The following CPLANE1 variants were observed in gnomAD, a reference collection of about 807,000 sequenced individuals.
CPLANE1 encodes ciliogenesis and planar polarity effector complex subunit 1.
A neutral mutation model predicts 362.5 loss-of-function variants in CPLANE1; 263 were observed. The ratio of observed to expected loss-of-function variants is 0.73; its 90% CI spans 0.66 to 0.80. The LOEUF is 0.80. Ranked by LOEUF, CPLANE1 falls within the 30% of genes least tolerant of loss-of-function variation. The pLI is 0.00. For missense variants in CPLANE1, 3,461 were observed against 3,793.4 expected, an observed-to-expected ratio of 0.91 and a Z score of 2.30; for synonymous variants, 1,212 against 1,302.6, an observed-to-expected ratio of 0.93 and a Z score of 1.50.
Position 37,213,579 on chromosome 5 carries a change from G to A in CPLANE1, c.2900C>T (p.Pro967Leu). Residue 967 changes from proline (P) to leucine (L), a missense_variant, in exon 16 of 53, where the codon CCC becomes CTC. Pro to Leu is a moderately conservative substitution (Grantham distance 98, BLOSUM62 -3). Coordinates refer to ENST00000651892, the MANE Select transcript of CPLANE1 (RefSeq NM_001384732.1). ...ATTACCTGTTTTAATATGAAGTGGG[G>A]GAAGAACATTCACATGATGAGGGGG... is the stretch of plus-strand genomic sequence containing the variant. ...ILPPHHVNVLPPLHIKTEQSF... is the reference protein window; with the variant it reads ...ILPPHHVNVLLPLHIKTEQSF... 4 of 1,543,382 alleles carry A rather than the reference G, an allele frequency of 2.6e-6. No homozygotes were observed. The highest frequency in any genetic ancestry group is 3.5e-6 in the Non-Finnish European group (4 of 1,142,126).
chr5:37,167,450 A>G (rs1479066759), intron 34 of CPLANE1, among the ~76,000 whole-genome samples: 1 of 152,216 alleles, frequency 6.6e-6, no homozygotes, highest in Non-Finnish European at 1.5e-5. Context: ...TTAAGCTAGA[A>G]GTTCTCAACT....
intron 34 of CPLANE1, 104 bp from the exon 35 acceptor site, chr5:37,167,317 G>T: frequency 1.2e-6 from 1 of 853,142 alleles, no homozygotes; most frequent in Non-Finnish European, 1.8e-6. Context: ...ATTAAACTGT[G>T]CAACAGTTAG....
chr5:37,226,559 T>C lies in CPLANE1; in HGVS notation c.2036A>G (p.Gln679Arg), dbSNP rs1165694869. Residue 679 changes from glutamine (Q) to arginine (R), a missense_variant, in exon 12 of 53, where the codon CAG (glutamine) becomes CGG (arginine). Physicochemically the swap from Gln to Arg is conservative, Grantham distance 43. This residue lies in a region of CPLANE1 where 3,380 missense variants were observed against 3,666.1 expected (regional missense o/e 0.92). Coordinates refer to ENST00000651892, the MANE Select transcript of CPLANE1 (RefSeq NM_001384732.1). The part of the protein sequence containing the change: ...KLLLTQQQKG[Q>R]LFSEKLLACF... The stretch of plus-strand genomic sequence containing the variant: ...AGCTAAAAGTTTCTCTGAGAATAAC[T>C]GACCCTTTTGTTGCTGAGTCAGCAA... The C allele has an allele frequency of 4.5e-6, 7 of 1,549,688 alleles. No individual in the cohort carries two copies. Among genetic ancestry groups the C allele is most frequent in the South Asian group, 2.4e-5 (2 of 83,274 alleles).
At chr5:37,125,631 A>T (rs1763928511) in intron 46 of CPLANE1, among the ~76,000 whole-genome samples, 1 of 152,056 alleles carries the variant, frequency 6.6e-6, no homozygotes, top group Non-Finnish European at 1.5e-5. Context: ...CTTAAACTCG[A>T]TTTTCCCTTC....
At chr5:37,131,356 T>C (rs16903513) in intron 46 of CPLANE1, among the ~76,000 whole-genome samples, 3,241 of 152,214 alleles carry the variant, frequency 0.021, 129 homozygotes, top group African/African-American at 0.075. Flanking sequence ...CCCCTTCTAA[T>C]GCACAAACTC....
In CPLANE1 at chr5:37,227,666, AT is replaced by A; in HGVS notation, c.1272del (p.Asp427IlefsTer9). 6.4e-7 allele frequency: 1 copy of A among 1,551,492 alleles called. No homozygotes were observed. Among genetic ancestry groups the A allele is most frequent in the Non-Finnish European group, 8.7e-7 (1 of 1,146,878 alleles). ...ISDGYMVTTL[R>X]FLDSLSPSVH... ...ACTGATGGAGATAGGCTATCAAGAA[AT>A]CGAAGGGTTGTGACCATATATCCAT... On this transcript the variant is annotated frameshift_variant, in exon 10 of 53. Transcript: ENST00000651892.
In CPLANE1 at chr5:37,165,614, TCTC is replaced by T; in HGVS notation, c.7455_7457del (p.Arg2486del). The T allele has an allele frequency of 1.2e-6, 2 of 1,612,362 alleles. No individual in the cohort carries two copies. The highest frequency in any genetic ancestry group is 8.5e-7 in the Non-Finnish European group (1 of 1,179,632). On this transcript the variant is annotated inframe_deletion, in exon 36 of 53. Coordinates refer to ENST00000651892, the MANE Select transcript of CPLANE1 (RefSeq NM_001384732.1). Reference sequence around the variant, plus strand: ...CTGGTCGAAAAGTCACATTTGGTTTTCTCCTCAGTTTCTCACATCTTTTTTCTT... The same window carrying T: ...CTGGTCGAAAAGTCACATTTGGTTTTCTCAGTTTCTCACATCTTTTTTCTT...
intron 16 of CPLANE1, chr5:37,211,323 C>G (rs193299647): frequency 1.3e-6 from 2 of 1,504,376 alleles, no homozygotes; most frequent in East Asian, 4.5e-5. Flanking sequence ...AAGTTACCAT[C>G]GGAGAGACAT....
chr5:37,237,344 A>C (rs946221370), intron 8 of CPLANE1, among the ~76,000 whole-genome samples: 7 of 152,252 alleles, frequency 4.6e-5, no homozygotes, highest in African/African-American at 1.7e-4. Flanking sequence ...AATCACTCAG[A>C]AACAGAAAGT....
At chr5:37,086,149 A>G in the CPLANE1 span, among the ~76,000 whole-genome samples, 1 of 152,198 alleles carries the variant, frequency 6.6e-6, no homozygotes, top group African/African-American at 2.4e-5. Context: ...GGTCATCAAG[A>G]CAGTTAACAA....
At position 37,227,059 on chromosome 5, in the gene CPLANE1, T is replaced by A; in HGVS notation, c.1536A>T (p.Glu512Asp). 6.5e-7 allele frequency: 1 copy of A among 1,544,182 alleles called. No individual in the cohort carries two copies. Among genetic ancestry groups the A allele is most frequent in the Non-Finnish European group, 8.7e-7 (1 of 1,143,976 alleles). ...NAADFQDFEA[E>D]ETNEGRHFPD... ...GAAAGTGTCTGCCTTCGTTAGTTTC[T>A]TCTGCTTCAAAATCCTAAAACATGA... Residue 512 changes from glutamate (E) to aspartate (D), a missense_variant, in exon 12 of 53, where the codon GAA becomes GAT. Physicochemically the swap from Glu to Asp is conservative, Grantham distance 45. Transcript: ENST00000651892.
At position 37,196,544 on chromosome 5, in the gene CPLANE1, A is replaced by G. The variant is rs990872692; in HGVS notation, c.3673-548T>C. On this transcript the variant is annotated intron_variant, in intron 20 of 52. Coordinates refer to ENST00000651892, the MANE Select transcript of CPLANE1 (RefSeq NM_001384732.1). ...AGAGGGTGTGACACGATCCAAACTC[A>G]ATCTCCTCATCCCTAAAATTAAAAT... Among the ~76,000 whole-genome samples the G allele has an allele frequency of 2.6e-5, 4 of 152,314 alleles. No individual in the cohort carries two copies. The East Asian group carries it at 7.7e-4, about 29-fold the overall frequency.
chr5:37,107,728 G>A lies in CPLANE1; in HGVS notation c.9630C>T (p.Gly3210=), dbSNP rs149930278. 50 of 1,611,338 alleles carry A rather than the reference G, an allele frequency of 3.1e-5. No individual in the cohort carries two copies. Among genetic ancestry groups the A allele is most frequent in the Non-Finnish European group, 4.1e-5 (48 of 1,178,920 alleles). ...TGCTCTCAGACACGCTGTCCACACC[G>A]CCCACCCCAAAAGGATGCTCTGGCT... ...EEEPEHPFGV[G]GVDSVSESTG... The change falls in exon 53 of 53, where the codon GGC becomes GGT. Residue 3210 remains glycine, a synonymous_variant. Transcript: ENST00000651892.
Position 37,107,278 on chromosome 5 carries a change from G to A in CPLANE1, c.*324C>T, listed in dbSNP as rs1402396891. ...CAAAACTCAGAGGGTAATAAAGGAGGAGGCAAGATAGAGGGTTTTTATTGA... is the reference window on the plus strand; with the variant it reads ...CAAAACTCAGAGGGTAATAAAGGAGAAGGCAAGATAGAGGGTTTTTATTGA... On this transcript the variant is annotated 3_prime_UTR_variant, in exon 53 of 53. Coordinates refer to ENST00000651892, the MANE Select transcript of CPLANE1 (RefSeq NM_001384732.1). 9.5e-7 allele frequency: 1 copy of A among 1,050,616 alleles called. No individual in the cohort carries two copies. The highest frequency in any genetic ancestry group is 1.1e-6 in the Non-Finnish European group (1 of 873,258). 65.1% of individuals were successfully genotyped at this position (1,050,616 alleles called of 1,614,324 possible).
the CPLANE1 span, among the ~76,000 whole-genome samples, chr5:37,097,570 T>C: frequency 6.6e-6 from 1 of 152,192 alleles, no homozygotes; most frequent in Admixed American, 6.5e-5. Context: ...TGTCACATTA[T>C]AGTCAAACTG....
chr5:37,222,586 C>T (rs948203010), intron 14 of CPLANE1, among the ~76,000 whole-genome samples: 1 of 152,206 alleles, frequency 6.6e-6, no homozygotes, highest in African/African-American at 2.4e-5. Context: ...GAAGCCATTC[C>T]TAATGGATGT....
chr5:37,182,785 T>C lies in CPLANE1; in HGVS notation c.5396A>G (p.Tyr1799Cys), dbSNP rs1427918719. 2.5e-6 allele frequency: 4 copies of C among 1,612,032 alleles called. No homozygotes were observed. The highest frequency in any genetic ancestry group is 2.2e-5 in the South Asian group (2 of 90,664). Residue 1799 changes from tyrosine to cysteine, a missense_variant, in exon 26 of 53, where the codon TAT (tyrosine) becomes TGT (cysteine). Coordinates refer to ENST00000651892, the MANE Select transcript of CPLANE1 (RefSeq NM_001384732.1). Reference protein sequence around the residue: ...WLLEQPYFATYKAKNAIIKMV... With the variant: ...WLLEQPYFATCKAKNAIIKMV... The stretch of plus-strand genomic sequence containing the variant: ...CTTAATAATGGCATTTTTTGCCTTA[T>C]ATGTAGCAAAATAGGGTTGTTCCAA...
At chr5:37,171,002 G>A (rs1779650559) in intron 32 of CPLANE1, among the ~76,000 whole-genome samples, 1 of 152,196 alleles carries the variant, frequency 6.6e-6, no homozygotes, top group Non-Finnish European at 1.5e-5. Context: ...TGAGCAGAAA[G>A]CAGTACACAG....
chr5:37,105,433 C>T (rs1483543734), downstream of CPLANE1, among the ~76,000 whole-genome samples: 9 of 152,212 alleles, frequency 5.9e-5, no homozygotes, highest in Non-Finnish European at 1.2e-4. Context: ...GGATACTCTC[C>T]TGTTCAATAA....
Sources: allele counts gnomAD v4.1 joint callset (sites outside exome capture counted in the v4.1 genomes callset), GRCh38; gene constraint gnomAD v4.1.1; regional missense constraint gnomAD v4.1.1; transcripts MANE v1.5; gene names NCBI Gene and HGNC (gene_info 2026-07-23, HGNC 2026-07-21).